Variants in ZNF608 observed in about 807,000 individuals in gnomAD.
ZNF608 encodes the protein renal carcinoma antigen NY-REN-36.
In ZNF608, 12 loss-of-function variants were observed where a neutral mutation model predicts 109.0. The ratio of observed to expected loss-of-function variants is 0.11; its 90% CI spans 0.07 to 0.18. The LOEUF is 0.18. Among genes scored for constraint, ZNF608 ranks in the 10% least tolerant of loss-of-function variants. The pLI, the probability that ZNF608 is intolerant of heterozygous loss-of-function variation, is 1.00. For missense variants in ZNF608, 1,707 were observed against 1,879.3 expected, an observed-to-expected ratio of 0.91 and a Z score of 1.70; for synonymous variants, 732 against 717.4, an observed-to-expected ratio of 1.02 and a Z score of -0.33.
At position 124,636,921 on chromosome 5, in the gene ZNF608, A is replaced by AC. The variant is rs1750008126; in HGVS notation, c.*978_*979insG. On this transcript the variant is annotated 3_prime_UTR_variant, in exon 10 of 10. Transcript: ENST00000513986. ...TGAGACAGACAAGAAGCCATTATTT[A>AC]AAAAAAAAAAAACTTTTTAATTCTG... 1 of 56,934 alleles carries AC rather than the reference A, an allele frequency of 1.8e-5. No homozygotes were observed. Among genetic ancestry groups the AC allele is most frequent in the Non-Finnish European group, 4.0e-5 (1 of 24,738 alleles). 3.5% of individuals were successfully genotyped at this position (56,934 alleles called of 1,614,324 possible). A position where few individuals can be genotyped will look rare whatever the true frequency, so the allele number is the denominator to read the frequency against.
At chr5:124,740,333 C>T (rs1402933709) in intron 2 of ZNF608, among the ~76,000 whole-genome samples, 11 of 152,120 alleles carry the variant, frequency 7.2e-5, no homozygotes, top group Non-Finnish European at 1.2e-4. Flanking sequence ...CTGATTTGGA[C>T]GCCACCCTTA....
At chr5:124,666,258 A>G (rs1751473004) in intron 3 of ZNF608, 4 of 152,256 alleles carry the variant, frequency 2.6e-5, no homozygotes, top group Admixed American at 6.5e-5. Context: ...CAGGCTAGAT[A>G]GTCAAGATTG....
At chr5:124,721,685 C>T (rs1364873225) in intron 2 of ZNF608, among the ~76,000 whole-genome samples, 1 of 151,992 alleles carries the variant, frequency 6.6e-6, no homozygotes, top group Non-Finnish European at 1.5e-5. Flanking sequence ...CCTGTAATCT[C>T]AACACTTTGG....
intron 2 of ZNF608, among the ~76,000 whole-genome samples, chr5:124,714,372 T>C (rs1753613484): frequency 6.6e-6 from 1 of 152,178 alleles, no homozygotes. Context: ...CATCCAGAAG[T>C]CTAGTCATGG....
At chr5:124,704,348 C>G (rs1753172749) in intron 2 of ZNF608, among the ~76,000 whole-genome samples, 1 of 152,110 alleles carries the variant, frequency 6.6e-6, no homozygotes, top group South Asian at 2.1e-4. Context: ...CCATAGGTAC[C>G]AGACCAGCAC....
In ZNF608 at chr5:124,683,326, G is replaced by A. The variant is rs552277312; in HGVS notation, c.1162+17688C>T. Among the ~76,000 whole-genome samples the A allele has an allele frequency of 3.3e-5, 5 of 152,232 alleles. No homozygotes were observed. In the South Asian group the frequency reaches 8.3e-4, roughly 25 times the overall value. Reference sequence around the variant, plus strand: ...CCCATGGAAACTGTGGGATATGTTTGTTGTTTTTAAGGTACTATCATCTAG... The same window carrying A: ...CCCATGGAAACTGTGGGATATGTTTATTGTTTTTAAGGTACTATCATCTAG... On this transcript the variant is annotated intron_variant, in intron 3 of 9. Transcript: ENST00000513986.
At chr5:124,745,298 T>A in intron 1 of ZNF608, 126 bp from the exon 2 acceptor site, 1 of 744,026 alleles carries the variant, frequency 1.3e-6, no homozygotes, top group Non-Finnish European at 1.8e-6. Context: ...TCATGTATTG[T>A]CCTCACAGTC....
intron 3 of ZNF608, among the ~76,000 whole-genome samples, chr5:124,665,230 AAC>A (rs1401617523): frequency 2.0e-5 from 3 of 152,160 alleles, no homozygotes; most frequent in Admixed American, 6.5e-5. Flanking sequence ...GGAAACTTGA[AAC>A]TGACCACGGT....
intron 3 of ZNF608, among the ~76,000 whole-genome samples, chr5:124,650,252 C>T (rs887300215): frequency 6.6e-6 from 1 of 152,194 alleles, no homozygotes; most frequent in African/African-American, 2.4e-5. Flanking sequence ...AGACAATCAA[C>T]TACGATTTCA....
chr5:124,723,245 G>A (rs1414689664), intron 2 of ZNF608, among the ~76,000 whole-genome samples: 1 of 152,002 alleles, frequency 6.6e-6, no homozygotes, highest in African/African-American at 2.4e-5. Flanking sequence ...CTGGTCTCAG[G>A]TGATTCACCC....
chr5:124,642,692 CTTTT>C (rs755561532), intron 7 of ZNF608, among the ~76,000 whole-genome samples: 5 of 95,284 alleles, frequency 5.2e-5, no homozygotes, highest in South Asian at 3.9e-4. Flanking sequence ...TTTCTATTGT[CTTTT>C]TTTTTTTTTT....
chr5:124,647,230 C>T lies in ZNF608; in HGVS notation c.3154G>A (p.Val1052Met). Residue 1052 changes from valine to methionine, a missense_variant, in exon 5 of 10, where the codon GTG becomes ATG. Physicochemically the swap from Val to Met is conservative, Grantham distance 21. Transcript: ENST00000513986. ...DKAEQLDSKK[V>M]DHNSASLQPQ... ...TGTAAGGATGCAGAATTGTGGTCCA[C>T]TTTCTTAGAATCTAACTGCTCTGCC... The T allele has an allele frequency of 6.2e-7, 1 of 1,614,208 alleles. No individual in the cohort carries two copies. Among genetic ancestry groups the T allele is most frequent in the African/African-American group, 1.3e-5 (1 of 75,050 alleles).
rs776861897 is a variant in ZNF608, at chr5:124,648,151, T to C, written c.2233A>G (p.Thr745Ala). The change falls in exon 5 of 10, where the codon ACT becomes GCT. Residue 745 changes from threonine (T) to alanine (A), a missense_variant. By Grantham distance (58) the Thr-to-Ala change is moderately conservative. Coordinates refer to ENST00000513986, the MANE Select transcript of ZNF608 (RefSeq NM_020747.3). ...GGTATAGCGATTAGCTGCGGGGGAGTGGGGGCTGGGGCAGGGGCAATGGGC... is the reference window on the plus strand; with the variant it reads ...GGTATAGCGATTAGCTGCGGGGGAGCGGGGGCTGGGGCAGGGGCAATGGGC... ...ARPIAPAPAP[T>A]PPQLIAIPTA... 3 of 1,355,538 alleles carry C rather than the reference T, an allele frequency of 2.2e-6. No homozygotes were observed. Among genetic ancestry groups the C allele is most frequent in the African/African-American group, 1.5e-5 (1 of 66,616 alleles). 84.0% of individuals were successfully genotyped at this position (1,355,538 alleles called of 1,614,324 possible).
intron 2 of ZNF608, among the ~76,000 whole-genome samples, chr5:124,722,139 C>A (rs901693924): frequency 6.6e-6 from 1 of 151,826 alleles, no homozygotes; most frequent in Non-Finnish European, 1.5e-5. Context: ...TTACTGGCTA[C>A]CTCCACACTG....
chr5:124,671,779 G>T (rs796757643), intron 3 of ZNF608, among the ~76,000 whole-genome samples: 27 of 151,848 alleles, frequency 1.8e-4, no homozygotes, highest in African/African-American at 6.3e-4. Context: ...GGGACTACAG[G>T]CATGAGCCAC....
Position 124,744,135 on chromosome 5 carries a change from T to G in ZNF608, c.855A>C (p.Glu285Asp). ...GCCTGTGGCTCTCCTCCTCCTCCTC[T>G]TCCTTCTTTACCAACATAGAGTTTC... is the stretch of plus-strand genomic sequence containing the variant. ...LMGNSMLVKK[E>D]EEEEESHRRI... is the part of the protein sequence containing the mutation. Residue 285 changes from glutamate (E) to aspartate (D), a missense_variant, in exon 2 of 10, where the codon GAA becomes GAC. Physicochemically the swap from Glu to Asp is conservative, Grantham distance 45. Coordinates refer to ENST00000513986, the MANE Select transcript of ZNF608 (RefSeq NM_020747.3). This position sits in a 1 kb window ranked among gnomAD's most constrained non-coding sequence, Gnocchi z 4.5. 1.2e-6 allele frequency: 2 copies of G among 1,610,420 alleles called. No individual in the cohort carries two copies. Among genetic ancestry groups the G allele is most frequent in the South Asian group, 1.1e-5 (1 of 90,618 alleles).
At chr5:124,693,974 C>CTTTATTTTTTTTTT (rs1752723692) in intron 3 of ZNF608, among the ~76,000 whole-genome samples, 1 of 60,934 alleles carries the variant, frequency 1.6e-5, no homozygotes, top group Non-Finnish European at 2.7e-5. Flanking sequence ...TTTCATTAAT[C>CTTTATTTTTTTTTT]TTTTTTTTTT....
At chr5:124,711,276 T>C (rs1281815898) in intron 2 of ZNF608, among the ~76,000 whole-genome samples, 4 of 152,238 alleles carry the variant, frequency 2.6e-5, no homozygotes, top group Admixed American at 6.5e-5. Flanking sequence ...TGTGTGTTCT[T>C]TCAGAAATTT....
chr5:124,699,119 G>A (rs1752951814), intron 3 of ZNF608, among the ~76,000 whole-genome samples: 1 of 152,166 alleles, frequency 6.6e-6, no homozygotes, highest in Admixed American at 6.5e-5. Flanking sequence ...ATATTTTTCT[G>A]TTCCTGAAAA....
Sources: allele counts gnomAD v4.1 joint callset (sites outside exome capture counted in the v4.1 genomes callset), GRCh38; gene constraint gnomAD v4.1.1; non-coding constraint Gnocchi (gnomAD v3.1); transcripts MANE v1.5; gene names NCBI Gene and HGNC (gene_info 2026-07-23, HGNC 2026-07-21).